The following DIAPH1 variants were observed in gnomAD, a reference collection of about 807,000 sequenced individuals.
DIAPH1 encodes the protein protein diaphanous homolog 1.
DIAPH1 carries 46 observed loss-of-function variants against 140.7 expected under a neutral mutation model. The ratio of observed to expected loss-of-function variants is 0.33; its 90% CI spans 0.26 to 0.42. The LOEUF is 0.42. Ranked by LOEUF, DIAPH1 falls within the 10% of genes least tolerant of loss-of-function variation. DIAPH1 has a pLI of 1.00. For synonymous variants in DIAPH1, 565 were observed against 551.6 expected, an observed-to-expected ratio of 1.02 and a Z score of -0.34; for missense variants, 1,310 against 1,558.7, an observed-to-expected ratio of 0.84 and a Z score of 2.69.
intron 18 of DIAPH1, among the ~76,000 whole-genome samples, chr5:141,553,523 A>G (rs1180444893): frequency 1.3e-5 from 2 of 151,462 alleles, no homozygotes; most frequent in Admixed American, 6.6e-5. Flanking sequence ...CGCCTATGTA[A>G]TTCCAGCTAC....
At chr5:141,581,341 A>G (rs2099896726) in intron 7 of DIAPH1, among the ~76,000 whole-genome samples, 1 of 152,234 alleles carries the variant, frequency 6.6e-6, no homozygotes, top group African/African-American at 2.4e-5. Context: ...TCTAGCCTCT[A>G]GAATTGTGAG....
chr5:141,564,203 T>C (rs1596370638), intron 18 of DIAPH1: 1 of 152,214 alleles, frequency 6.6e-6, no homozygotes, highest in Non-Finnish European at 1.5e-5. Context: ...CAAGATCCTT[T>C]TGTAAAAGGG....
intron 16 of DIAPH1, among the ~76,000 whole-genome samples, chr5:141,573,059 G>A (rs189221476): frequency 1.8e-4 from 28 of 152,330 alleles, no homozygotes; most frequent in Admixed American, 1.7e-3. Flanking sequence ...CATGAGTGAA[G>A]CTTAAAGATA....
At chr5:141,526,666 A>C (rs544771774) in intron 24 of DIAPH1, among the ~76,000 whole-genome samples, 2 of 152,166 alleles carry the variant, frequency 1.3e-5, no homozygotes, top group Non-Finnish European at 2.9e-5. Flanking sequence ...TAAAAAAAGA[A>C]GGTGGCAGTT....
In DIAPH1 at chr5:141,573,789, G is replaced by A. The variant is rs1436744741; in HGVS notation, c.2061C>T (p.Ile687=). 9.9e-7 allele frequency: 1 copy of A among 1,013,780 alleles called. No individual in the cohort carries two copies. Among genetic ancestry groups the A allele is most frequent in the South Asian group, 1.5e-5 (1 of 67,268 alleles). The allele number at this position is 1,013,780 out of a possible 1,614,324, so 62.8% of individuals were successfully genotyped here. A position where few individuals can be genotyped will look rare whatever the true frequency, so the allele number is the denominator to read the frequency against. ...PPPPLPGSAR[I]PPPPPPLPGS... is the part of the protein sequence containing the mutation. ...CAGGCAAAGGAGGTGGTGGTGGGGGGATTCTAGCACTCCCAGGCAAAGGAG... is the reference window on the plus strand; with the variant it reads ...CAGGCAAAGGAGGTGGTGGTGGGGGAATTCTAGCACTCCCAGGCAAAGGAG... The change falls in exon 16 of 28, where the codon ATC becomes ATT. Residue 687 remains isoleucine, a synonymous_variant. Transcript: ENST00000389054.
intron 1 of DIAPH1, among the ~76,000 whole-genome samples, chr5:141,605,521 C>T (rs2099900786): frequency 1.3e-5 from 2 of 152,202 alleles, no homozygotes; most frequent in African/African-American, 4.8e-5. Context: ...ATTTACTCTT[C>T]TCCAGTGGTA....
chr5:141,526,469 C>A lies in DIAPH1; in HGVS notation c.3274-8G>T. On this transcript the variant is annotated splice_region_variant and splice_polypyrimidine_tract_variant and intron_variant, in intron 24 of 27. Coordinates refer to ENST00000389054, the MANE Select transcript of DIAPH1 (RefSeq NM_005219.5). ...TGCATCCTTCACAAAGCTGTGCAGC[C>A]AAGGAGTAAAGGACCAAGACCAAGA... 3 of 1,614,050 alleles carry A rather than the reference C, an allele frequency of 1.9e-6. No individual in the cohort carries two copies. Among genetic ancestry groups the A allele is most frequent in the Non-Finnish European group, 2.5e-6 (3 of 1,180,012 alleles).
intron 18 of DIAPH1, among the ~76,000 whole-genome samples, chr5:141,542,336 G>A (rs2099890111): frequency 6.6e-6 from 1 of 152,046 alleles, no homozygotes; most frequent in Non-Finnish European, 1.5e-5. Context: ...GGGAGGCTGA[G>A]GCAAGAGAAT....
intron 18 of DIAPH1, among the ~76,000 whole-genome samples, chr5:141,534,820 C>T (rs556682179): frequency 1.3e-5 from 2 of 152,340 alleles, no homozygotes; most frequent in Non-Finnish European, 2.9e-5. Context: ...AATGAATGGG[C>T]ATGGTTGTGT....
At chr5:141,559,494 C>A (rs1321082942) in intron 18 of DIAPH1, among the ~76,000 whole-genome samples, 1 of 152,128 alleles carries the variant, frequency 6.6e-6, no homozygotes, top group Non-Finnish European at 1.5e-5. Context: ...CAAAGCCACA[C>A]AGAATCCCAA....
Position 141,618,221 on chromosome 5 carries a change from C to T in DIAPH1, c.117+577G>A, listed in dbSNP as rs141360470. Among the ~76,000 whole-genome samples, 388 of 152,214 alleles carry T rather than the reference C, an allele frequency of 2.5e-3. 2 individuals are homozygous for T. The highest frequency in any genetic ancestry group is 0.022 in the South Asian group (105 of 4,826). Reference sequence around the variant, plus strand: ...TCCTGTAATCGCAAGGACAAACGTCCAAAGAAGGAGTTGGGGGTAGGGCTC... The same window carrying T: ...TCCTGTAATCGCAAGGACAAACGTCTAAAGAAGGAGTTGGGGGTAGGGCTC... On this transcript the variant is annotated intron_variant, in intron 1 of 27. Transcript: ENST00000389054.
intron 8 of DIAPH1, among the ~76,000 whole-genome samples, chr5:141,580,296 A>C (rs979268345): frequency 2.0e-5 from 3 of 152,222 alleles, no homozygotes; most frequent in African/African-American, 7.2e-5. Context: ...ATGTTTGTCT[A>C]TGCTTAGGAA....
chr5:141,574,985 C>A lies in DIAPH1; in HGVS notation c.1623G>T (p.Val541=), dbSNP rs1264465451. The stretch of plus-strand genomic sequence containing the variant: ...GCATTACCTCTCCTGTGAGCTGGGA[C>A]ACCTCTGCTTCCAGGTCCTGTTTCT... ...ATEKQDLEAE[V]SQLTGEVAKL... is the part of the protein sequence containing the mutation. Residue 541 remains valine (V), a synonymous_variant, in exon 15 of 28, where the codon GTG becomes GTT. Coordinates refer to ENST00000389054, the MANE Select transcript of DIAPH1 (RefSeq NM_005219.5). 1 of 1,614,176 alleles carries A rather than the reference C, an allele frequency of 6.2e-7. No homozygotes were observed. The highest frequency in any genetic ancestry group is 8.5e-7 in the Non-Finnish European group (1 of 1,180,028).
At position 141,583,309 on chromosome 5, in the gene DIAPH1, G is replaced by A. The variant is rs528857511; in HGVS notation, c.534-17C>T. 1 of 1,613,058 alleles carries A rather than the reference G, an allele frequency of 6.2e-7. No homozygotes were observed. ...TGCACCCAACTGTAAGGAACAGAGAGAGGCAATGCAATATCAAACCAATAA... is the reference window on the plus strand; with the variant it reads ...TGCACCCAACTGTAAGGAACAGAGAAAGGCAATGCAATATCAAACCAATAA... On this transcript the variant is annotated splice_polypyrimidine_tract_variant and intron_variant, in intron 5 of 27. Transcript: ENST00000389054.
At chr5:141,554,952 G>C (rs1042918763) in intron 18 of DIAPH1, among the ~76,000 whole-genome samples, 1 of 152,130 alleles carries the variant, frequency 6.6e-6, no homozygotes, top group Non-Finnish European at 1.5e-5. Flanking sequence ...TGGGTACTCT[G>C]AGTTGGGGGT....
chr5:141,536,287 G>T (rs2099889000), intron 18 of DIAPH1, among the ~76,000 whole-genome samples: 1 of 152,170 alleles, frequency 6.6e-6, no homozygotes, highest in African/African-American at 2.4e-5. Flanking sequence ...GGATGACACA[G>T]TAAGAACCTG....
intron 24 of DIAPH1, among the ~76,000 whole-genome samples, chr5:141,527,152 G>A (rs1169458363): frequency 6.6e-6 from 1 of 152,110 alleles, no homozygotes; most frequent in Admixed American, 6.6e-5. Flanking sequence ...GGACTTTTAT[G>A]GTTGATCTGC....
chr5:141,526,658 A>C (rs1325796519), intron 24 of DIAPH1, among the ~76,000 whole-genome samples, 197 bp from the exon 25 acceptor site: 1 of 152,214 alleles, frequency 6.6e-6, no homozygotes, highest in African/African-American at 2.4e-5. Context: ...TACACCTATA[A>C]AAAAAGAAGG....
At chr5:141,520,511 T>A (rs2099886352) in intron 27 of DIAPH1, among the ~76,000 whole-genome samples, 1 of 152,200 alleles carries the variant, frequency 6.6e-6, no homozygotes, top group Non-Finnish European at 1.5e-5. Flanking sequence ...CACTTCCGCC[T>A]TGTGATACAC....
Sources: allele counts gnomAD v4.1 joint callset (sites outside exome capture counted in the v4.1 genomes callset), GRCh38; gene constraint gnomAD v4.1.1; transcripts MANE v1.5; gene names NCBI Gene and HGNC (gene_info 2026-07-23, HGNC 2026-07-21).